Variants in FBXL13 observed in about 807,000 individuals in gnomAD.
The protein encoded by FBXL13 is F-box and leucine rich repeat protein 13.
FBXL13 carries 67 observed loss-of-function variants against 83.6 expected under a neutral mutation model. The observed-to-expected ratio is 0.80, with a 90% CI of 0.66 to 0.98. FBXL13 has a LOEUF of 0.98. Among genes scored for constraint, FBXL13 ranks in the 50% least tolerant of loss-of-function variants. FBXL13 has a pLI of 0.00. For missense variants in FBXL13, 822 were observed against 866.5 expected, an observed-to-expected ratio of 0.95 and a Z score of 0.64; for synonymous variants, 272 against 299.5, an observed-to-expected ratio of 0.91 and a Z score of 0.95.
exon 4 of FBXL13, chr7:103,028,729 G>C (rs777165290): frequency 6.3e-7 from 1 of 1,585,580 alleles, no homozygotes; most frequent in East Asian, 2.3e-5. Context: ...TCATTTGTAC[G>C]AGCTATGTCT....
chr7:102,874,470 T>C, intron 16 of FBXL13: 3 of 478,920 alleles, frequency 6.3e-6, no homozygotes, highest in Non-Finnish European at 8.2e-6. Context: ...CCCATAGATA[T>C]CCATTTACAA....
intron 6 of FBXL13, among the ~76,000 whole-genome samples, chr7:103,019,536 C>A (rs1404877855): frequency 6.6e-6 from 1 of 152,128 alleles, no homozygotes; most frequent in Non-Finnish European, 1.5e-5. Flanking sequence ...AATCCAGGAG[C>A]TGGTTTTTTG....
chr7:103,069,579 G>A (rs989927960), intron 1 of FBXL13, among the ~76,000 whole-genome samples: 2 of 152,180 alleles, frequency 1.3e-5, no homozygotes, highest in African/African-American at 4.8e-5. Flanking sequence ...GAAGAGCTAT[G>A]CCTGAGGAAT....
At chr7:102,857,655 C>T (rs368692773) in intron 16 of FBXL13, 1 of 152,154 alleles carries the variant, frequency 6.6e-6, no homozygotes, top group Admixed American at 6.5e-5. Flanking sequence ...AGTAGCTGCA[C>T]TCCCCTGCTT....
At chr7:102,956,043 A>G (rs575416654) in intron 8 of FBXL13, among the ~76,000 whole-genome samples, 1 of 152,294 alleles carries the variant, frequency 6.6e-6, no homozygotes, top group African/African-American at 2.4e-5. Flanking sequence ...TGAGGCCAAC[A>G]TCATCCTGAT....
Position 102,824,562 on chromosome 7 carries a change from T to G in FBXL13, c.1855-2359A>C, listed in dbSNP as rs1439105587. On this transcript the variant is annotated intron_variant, in intron 18 of 19. Transcript: ENST00000313221. ...GTGTAGTGGCACAATCTCGGCTCAC[T>G]GCAACCTCTGCCTCCCAGGTTCAAA... Among the ~76,000 whole-genome samples the G allele has an allele frequency of 2.0e-5, 3 of 152,272 alleles. No individual in the cohort carries two copies. In the East Asian group the frequency reaches 5.8e-4, roughly 29 times the overall value.
chr7:102,893,685 G>A (rs532351281), intron 11 of FBXL13, among the ~76,000 whole-genome samples: 1 of 150,820 alleles, frequency 6.6e-6, no homozygotes, highest in South Asian at 2.1e-4. Flanking sequence ...GGAGAATGGT[G>A]TGAACCTGGG....
intron 6 of FBXL13, among the ~76,000 whole-genome samples, chr7:102,976,645 C>CCCGT (rs1827508378): frequency 6.6e-6 from 1 of 152,136 alleles, no homozygotes; most frequent in African/African-American, 2.4e-5. Flanking sequence ...ACACCACACT[C>CCCGT]CCGTCCGTCC....
chr7:102,992,400 G>A (rs567568634), intron 6 of FBXL13, among the ~76,000 whole-genome samples: 114 of 152,292 alleles, frequency 7.5e-4, no homozygotes, highest in Non-Finnish European at 1.3e-3. Context: ...CCCAGCCACA[G>A]CTGTCACACA....
intron 6 of FBXL13, among the ~76,000 whole-genome samples, chr7:102,994,292 T>C (rs1829872215): frequency 6.6e-6 from 1 of 152,126 alleles, no homozygotes; most frequent in Non-Finnish European, 1.5e-5. Flanking sequence ...CATATCAAGA[T>C]TTAGTAACTT....
At chr7:103,016,752 C>T (rs546009197) in intron 6 of FBXL13, among the ~76,000 whole-genome samples, 23 of 152,308 alleles carry the variant, frequency 1.5e-4, no homozygotes, top group Admixed American at 5.2e-4. Flanking sequence ...TGAGATCAAA[C>T]TGCAAGGCGG....
At chr7:103,027,589 A>C (rs761170421) in intron 4 of FBXL13, 31 bp from the exon 6 acceptor site, 2 of 1,386,704 alleles carry the variant, frequency 1.4e-6, no homozygotes, top group Non-Finnish European at 2.0e-6. Context: ...TACTGTATAT[A>C]TTAATAGTTA....
intron 16 of FBXL13, among the ~76,000 whole-genome samples, chr7:102,860,412 A>G (rs897522079): frequency 6.6e-6 from 1 of 152,218 alleles, no homozygotes; most frequent in Non-Finnish European, 1.5e-5. Flanking sequence ...AAGTGAAACA[A>G]TGGGAACAGT....
intron 8 of FBXL13, chr7:102,934,068 T>G (rs1476686375): frequency 6.2e-7 from 1 of 1,614,188 alleles, no homozygotes; most frequent in South Asian, 1.1e-5. Context: ...GCACCAGGCC[T>G]CCCGTGTGAC....
intron 11 of FBXL13, among the ~76,000 whole-genome samples, chr7:102,889,395 T>TG (rs1435903058): frequency 1.3e-5 from 2 of 152,280 alleles, no homozygotes; most frequent in East Asian, 3.9e-4. Flanking sequence ...GAGAACTGTT[T>TG]TTTGTTTGTT....
chr7:103,073,993 G>C (rs1181373377), intron 1 of FBXL13, among the ~76,000 whole-genome samples: 1 of 152,118 alleles, frequency 6.6e-6, no homozygotes, highest in Non-Finnish European at 1.5e-5. Context: ...GTCAACAAAG[G>C]CAAATGTTCT....
intron 7 of FBXL13, among the ~76,000 whole-genome samples, chr7:102,967,270 C>CTTTT (rs56060851): frequency 3.4e-5 from 5 of 148,856 alleles, no homozygotes; most frequent in African/African-American, 1.3e-4. Context: ...TCCTCTCTTT[C>CTTTT]TTTTTTTTTT....
intron 8 of FBXL13, among the ~76,000 whole-genome samples, chr7:102,950,644 T>C (rs191757813): frequency 6.6e-6 from 1 of 152,290 alleles, no homozygotes; most frequent in African/African-American, 2.4e-5. Context: ...TAAACTGTGG[T>C]ATATTCAGAC....
chr7:102,884,240 G>A (rs758676811), exon 12 of FBXL13: 2 of 1,613,514 alleles, frequency 1.2e-6, no homozygotes, highest in South Asian at 1.1e-5. Flanking sequence ...GTCAGAGTTG[G>A]CATGTCATTA....
Sources: gnomAD v4.1 joint callset for allele counts (sites outside exome capture counted in the v4.1 genomes callset) on GRCh38, gnomAD v4.1.1 for gene constraint, MANE v1.5 for transcripts, NCBI Gene and HGNC (gene_info 2026-07-23, HGNC 2026-07-21) for gene names.